Variants in PLXNA4 observed in about 807,000 individuals in gnomAD.
PLXNA4 encodes the protein plexin A4.
Under a neutral mutation model 191.8 loss-of-function variants are expected in PLXNA4, and 44 were observed. The ratio of observed to expected loss-of-function variants is 0.23; its 90% confidence interval spans 0.18 to 0.29. The LOEUF (loss-of-function observed/expected upper bound fraction) is 0.29. Ranked by LOEUF, PLXNA4 falls within the 10% of genes least tolerant of loss-of-function variation. PLXNA4 has a pLI of 1.00. For synonymous variants in PLXNA4, 1,082 were observed against 1,009.5 expected (o/e 1.07, Z -1.36); for missense variants, 1,800 against 2,488.8 (o/e 0.72, Z 5.89).
intron 3 of PLXNA4, among the ~76,000 whole-genome samples, chr7:132,461,745 T>C (rs1796512775): frequency 6.6e-6 from 1 of 152,252 alleles, no homozygotes; most frequent in African/African-American, 2.4e-5. Flanking sequence ...TTCATTGCTC[T>C]AAGACAGCGG....
chr7:132,587,633 G>A (rs1442842318), intron 2 of PLXNA4, among the ~76,000 whole-genome samples: 2 of 152,090 alleles, frequency 1.3e-5, no homozygotes, highest in Admixed American at 1.3e-4. Context: ...TGCTTTGGGG[G>A]TAATTCCTAG....
intron 18 of PLXNA4, 96 bp from the exon 19 acceptor site, chr7:132,180,828 T>G (rs746146164): frequency 6.6e-6 from 10 of 1,518,148 alleles, no homozygotes; most frequent in Non-Finnish European, 8.9e-6. Context: ...CCCATCCCGC[T>G]GGTGAGCTGG....
intron 3 of PLXNA4, among the ~76,000 whole-genome samples, chr7:132,347,454 G>A (rs1454664082): frequency 6.6e-6 from 1 of 152,216 alleles, no homozygotes; most frequent in Non-Finnish European, 1.5e-5. Context: ...TGTTGCAGCT[G>A]ATGTGGGATG....
At chr7:132,359,837 G>A (rs1395834898) in intron 3 of PLXNA4, among the ~76,000 whole-genome samples, 1 of 152,152 alleles carries the variant, frequency 6.6e-6, no homozygotes, top group African/African-American at 2.4e-5. Flanking sequence ...ACTGGATGTA[G>A]TTCTAGGGCA....
intron 3 of PLXNA4, among the ~76,000 whole-genome samples, chr7:132,299,483 A>T (rs1801227098): frequency 6.6e-6 from 1 of 152,112 alleles, no homozygotes; most frequent in Admixed American, 6.5e-5. Context: ...ATGAACTCTG[A>T]TATCAGGTTA....
At chr7:132,387,811 C>T (rs551553658) in intron 3 of PLXNA4, among the ~76,000 whole-genome samples, 20 of 152,268 alleles carry the variant, frequency 1.3e-4, no homozygotes, top group African/African-American at 4.1e-4. Context: ...AGCTGGTTGA[C>T]TGGCTGCAAG....
intron 1 of PLXNA4, among the ~76,000 whole-genome samples, chr7:132,558,300 T>A (rs1291502461): frequency 6.6e-6 from 1 of 152,156 alleles, no homozygotes; most frequent in Non-Finnish European, 1.5e-5. Context: ...GCTGGAGAAA[T>A]GACATTTTTT....
chr7:132,172,251 C>T (rs935437612), intron 21 of PLXNA4, among the ~76,000 whole-genome samples: 1 of 152,146 alleles, frequency 6.6e-6, no homozygotes, highest in African/African-American at 2.4e-5. Flanking sequence ...TTAATTGTAA[C>T]CCAATAGGTT....
intron 4 of PLXNA4, among the ~76,000 whole-genome samples, chr7:132,281,180 GGTCTAA>G (rs1800465332): frequency 6.6e-6 from 1 of 152,122 alleles, no homozygotes; most frequent in South Asian, 2.1e-4. Flanking sequence ...AAGGCTCTAA[GGTCTAA>G]GGTTCAATTT....
At chr7:132,505,720 C>G (rs549879279) in intron 2 of PLXNA4, among the ~76,000 whole-genome samples, 50 of 152,280 alleles carry the variant, frequency 3.3e-4, no homozygotes, top group African/African-American at 1.1e-3. Flanking sequence ...CCAAGGCTCT[C>G]TAAAGGCCTT....
At chr7:132,165,082 C>T in intron 23 of PLXNA4, 52 bp downstream of exon 23, 3 of 1,593,052 alleles carry the variant, frequency 1.9e-6, no homozygotes, top group Non-Finnish European at 2.6e-6. Flanking sequence ...CCCAGTCAGG[C>T]TGCAGAGAAT....
At chr7:132,582,756 C>T (rs1201513311) in intron 2 of PLXNA4, among the ~76,000 whole-genome samples, 1 of 152,186 alleles carries the variant, frequency 6.6e-6, no homozygotes, top group East Asian at 1.9e-4. Flanking sequence ...ATTTGTTATG[C>T]AGTAGCAGAT....
chr7:132,484,250 G>T (rs1447101658), intron 3 of PLXNA4, among the ~76,000 whole-genome samples: 1 of 152,212 alleles, frequency 6.6e-6, no homozygotes, highest in African/African-American at 2.4e-5. Context: ...TGGATACATT[G>T]GTCTGAGGCA....
intron 1 of PLXNA4, among the ~76,000 whole-genome samples, chr7:132,558,884 T>A (rs924599940): frequency 1.3e-5 from 2 of 152,186 alleles, no homozygotes; most frequent in Non-Finnish European, 2.9e-5. Context: ...GGGGAAAGTG[T>A]AGGGATTCCC....
intron 2 of PLXNA4, among the ~76,000 whole-genome samples, chr7:132,596,707 T>G (rs558369366): frequency 6.6e-6 from 1 of 152,042 alleles, no homozygotes; most frequent in South Asian, 2.1e-4. Context: ...CTAGAGCTCA[T>G]TTTAGGGGTA....
At chr7:132,549,615 C>T (rs78751778) in intron 1 of PLXNA4, among the ~76,000 whole-genome samples, 2,954 of 152,210 alleles carry the variant, frequency 0.019, 68 homozygotes, top group South Asian at 0.049. Context: ...GGCAGATTTC[C>T]GTGCTTCTGG....
At position 132,508,818 on chromosome 7, in the gene PLXNA4, A is replaced by G. The variant is rs1232433465; in HGVS notation, c.-86-39T>C. The G allele has an allele frequency of 6.3e-6, 9 of 1,424,722 alleles. No homozygotes were observed. The allele number at this position is 1,424,722 out of a possible 1,614,324, so 88.3% of individuals were successfully genotyped here. A position where few individuals can be genotyped will look rare whatever the true frequency, so the allele number is the denominator to read the frequency against. On this transcript the variant is annotated intron_variant, in intron 1 of 31. Transcript: ENST00000321063. This position sits in a 1 kb window ranked among gnomAD's most constrained non-coding sequence, Gnocchi z 4.4. Reference sequence around the variant, plus strand: ...AGACAATGAGCTGGATAACAATGCCAGTGGCTTCATTTCACCCCACAGCTT... The same window carrying G: ...AGACAATGAGCTGGATAACAATGCCGGTGGCTTCATTTCACCCCACAGCTT...
chr7:132,383,207 C>A (rs1265474801), intron 3 of PLXNA4, among the ~76,000 whole-genome samples: 1 of 152,076 alleles, frequency 6.6e-6, no homozygotes, highest in Admixed American at 6.6e-5. Flanking sequence ...ACCATACAGC[C>A]CACTTGAAAA....
chr7:132,387,429 T>C (rs941873075), intron 3 of PLXNA4, among the ~76,000 whole-genome samples: 1 of 152,198 alleles, frequency 6.6e-6, no homozygotes, highest in Non-Finnish European at 1.5e-5. Context: ...TTAACTAAGT[T>C]GGAGAGCAGA....
Sources: allele counts gnomAD v4.1 joint callset (sites outside exome capture counted in the v4.1 genomes callset), GRCh38; gene constraint gnomAD v4.1.1; non-coding constraint Gnocchi (gnomAD v3.1); transcripts MANE v1.5; gene names NCBI Gene and HGNC (gene_info 2026-07-23, HGNC 2026-07-21).